The following SMTNL2 variants were observed in gnomAD, a reference collection of about 807,000 sequenced individuals.
SMTNL2 encodes the protein smoothelin like 2.
In SMTNL2, 43 loss-of-function variants were observed where a neutral mutation model predicts 44.1. The ratio of observed to expected loss-of-function variants is 0.98; its 90% CI spans 0.76 to 1.26. The LOEUF is 1.26. Ranked by LOEUF, SMTNL2 falls within the 50% of genes most tolerant of loss-of-function variation. The probability of loss-of-function intolerance (pLI) is 0.00; values close to 1 mark genes in which losing one functional copy is unlikely to be tolerated. For missense variants in SMTNL2, 646 were observed against 670.2 expected (o/e 0.96, Z 0.40); for synonymous variants, 317 against 287.6 (o/e 1.10, Z -1.03).
In SMTNL2 at chr17:4,593,111, C is replaced by G. The variant is rs1456126309; in HGVS notation, c.670C>G (p.Leu224Val). 6.2e-7 allele frequency: 1 copy of G among 1,613,704 alleles called. No homozygotes were observed. The highest frequency in any genetic ancestry group is 8.5e-7 in the Non-Finnish European group (1 of 1,179,824). Reference sequence around the variant, plus strand: ...TCTATCACCCATGTCTGCTGCCACCCTGGGGGGCCTCAACCCAAGCCCCAG... The same window carrying G: ...TCTATCACCCATGTCTGCTGCCACCGTGGGGGGCCTCAACCCAAGCCCCAG... Reference protein sequence around the residue: ...AALSPMSAATLGGLNPSPSEV... With the variant: ...AALSPMSAATVGGLNPSPSEV... Residue 224 changes from leucine to valine, a missense_variant, in exon 3 of 8, where the codon CTG becomes GTG. Transcript: ENST00000389313.
In SMTNL2 at chr17:4,593,900, G is replaced by A. The variant is rs1178355279; in HGVS notation, c.806+3G>A. The A allele has an allele frequency of 6.2e-7, 1 of 1,613,974 alleles. No individual in the cohort carries two copies. Among genetic ancestry groups the A allele is most frequent in the Non-Finnish European group, 8.5e-7 (1 of 1,179,940 alleles). On this transcript the variant is annotated splice_donor_region_variant and intron_variant, in intron 4 of 7. Coordinates refer to ENST00000389313, the MANE Select transcript of SMTNL2 (RefSeq NM_001114974.2). ...ACAGCAAGCAAACACAGCAATAGGT[G>A]AGTCAGGGCCTGTGTTCCTGTGGGG...
In SMTNL2 at chr17:4,600,720, A is replaced by C. The variant is rs1485562094; in HGVS notation, c.1259+3397A>C. 2.6e-5 allele frequency among the ~76,000 whole-genome samples: 4 copies of C among 152,136 alleles called. No individual in the cohort carries two copies. In the East Asian group the frequency reaches 7.7e-4, roughly 29 times the overall value. Reference sequence around the variant, plus strand: ...CCGGCCCCTTTTATGGAAGGGGCTGAGTCGGGCGGGCGCCTGACCCTTCTG... The same window carrying C: ...CCGGCCCCTTTTATGGAAGGGGCTGCGTCGGGCGGGCGCCTGACCCTTCTG... On this transcript the variant is annotated intron_variant, in intron 7 of 7. Transcript: ENST00000389313. This position sits in a 1 kb window ranked among gnomAD's most constrained non-coding sequence, Gnocchi z 4.7.
chr17:4,589,395 G>C (rs1223533497), intron 1 of SMTNL2, among the ~76,000 whole-genome samples: 1 of 152,162 alleles, frequency 6.6e-6, no homozygotes, highest in Non-Finnish European at 1.5e-5. Flanking sequence ...TGTGGGGGCC[G>C]GGGTTCCAGC....
At chr17:4,605,380 C>G (rs552501967) in intron 7 of SMTNL2, among the ~76,000 whole-genome samples, 92 of 151,768 alleles carry the variant, frequency 6.1e-4, no homozygotes, top group Non-Finnish European at 6.9e-4. Context: ...AGGCTGGTCT[C>G]AAACTCCCAG....
At chr17:4,596,549 G>A (rs1227739679) in intron 5 of SMTNL2, among the ~76,000 whole-genome samples, 1 of 152,232 alleles carries the variant, frequency 6.6e-6, no homozygotes, top group Non-Finnish European at 1.5e-5. Flanking sequence ...GTGAGCCAAG[G>A]TCTTCTGTCT....
chr17:4,597,395 G>A, intron 7 of SMTNL2, 72 bp downstream of exon 7: 1 of 1,576,520 alleles, frequency 6.3e-7, no homozygotes, highest in Non-Finnish European at 8.6e-7. Flanking sequence ...CCCAGGTGGG[G>A]CATGGGGGCG....
chr17:4,597,693 C>T lies in SMTNL2; in HGVS notation c.1259+370C>T, dbSNP rs73333766. On this transcript the variant is annotated intron_variant, in intron 7 of 7. Transcript: ENST00000389313. Reference sequence around the variant, plus strand: ...CCTCTCTGGACTGATGGAGAGATGCCGTTGCTTGCATGAGCCACAGCTGCC... The same window carrying T: ...CCTCTCTGGACTGATGGAGAGATGCTGTTGCTTGCATGAGCCACAGCTGCC... Among the ~76,000 whole-genome samples, 997 of 152,326 alleles carry T rather than the reference C, an allele frequency of 6.5e-3. 12 individuals carry two copies. Among genetic ancestry groups the T allele is most frequent in the African/African-American group, 0.022 (934 of 41,562 alleles).
At position 4,595,407 on chromosome 17, in the gene SMTNL2, C is replaced by T; in HGVS notation, c.989+80C>T. 3.9e-6 allele frequency: 6 copies of T among 1,538,840 alleles called. No individual in the cohort carries two copies. The highest frequency in any genetic ancestry group is 5.3e-6 in the Non-Finnish European group (6 of 1,136,922). On this transcript the variant is annotated intron_variant, in intron 5 of 7. Transcript: ENST00000389313. This position sits in a 1 kb window ranked among gnomAD's most constrained non-coding sequence, Gnocchi z 5.1. ...CGGGGCTTGGGTGGGTGCAGCAGGGCAAGGTTCAGCCCTGTCCTGTTCCCC... is the reference window on the plus strand; with the variant it reads ...CGGGGCTTGGGTGGGTGCAGCAGGGTAAGGTTCAGCCCTGTCCTGTTCCCC...
At position 4,607,457 on chromosome 17, in the gene SMTNL2, G is replaced by T. The variant is rs757040141; in HGVS notation, c.1356G>T (p.Ser452=). 6.2e-7 allele frequency: 1 copy of T among 1,614,016 alleles called. No homozygotes were observed. The change falls in exon 8 of 8, where the codon TCG becomes TCT. Residue 452 remains serine (S), a synonymous_variant. Coordinates refer to ENST00000389313, the MANE Select transcript of SMTNL2 (RefSeq NM_001114974.2). This position sits in a 1 kb window ranked among gnomAD's most constrained non-coding sequence, Gnocchi z 4.7. ...TGTGTGTCTTCACCTACGTCCAGTCGCTGTACAACCACCTGCGTCGCTTCG... is the reference window on the plus strand; with the variant it reads ...TGTGTGTCTTCACCTACGTCCAGTCTCTGTACAACCACCTGCGTCGCTTCG... ...DPMCVFTYVQ[S]LYNHLRRFE
chr17:4,597,397 A>G lies in SMTNL2; in HGVS notation c.1259+74A>G, dbSNP rs1192685990. 1.5e-5 allele frequency: 23 copies of G among 1,574,954 alleles called. No homozygotes were observed. The Admixed American group carries it at 3.9e-4, about 27-fold the overall frequency. ...GCCCAACTTCTTCCCCAGGTGGGGC[A>G]TGGGGGCGAGTGGGATGTCGGGCCG... is the stretch of plus-strand genomic sequence containing the variant. On this transcript the variant is annotated intron_variant, in intron 7 of 7. Coordinates refer to ENST00000389313, the MANE Select transcript of SMTNL2 (RefSeq NM_001114974.2).
At chr17:4,606,247 G>A (rs1486403868) in intron 7 of SMTNL2, among the ~76,000 whole-genome samples, 2 of 151,600 alleles carry the variant, frequency 1.3e-5, no homozygotes, top group African/African-American at 2.4e-5. Context: ...TCAGCCTCCC[G>A]AGTAGCTGGG....
chr17:4,604,114 G>C (rs900469549), intron 7 of SMTNL2, among the ~76,000 whole-genome samples: 7 of 152,160 alleles, frequency 4.6e-5, no homozygotes, highest in Non-Finnish European at 8.8e-5. Context: ...TAAAATGTTG[G>C]GATGACAGGC....
chr17:4,595,275 C>A lies in SMTNL2; in HGVS notation c.937C>A (p.Gln313Lys). 1.2e-6 allele frequency: 2 copies of A among 1,613,276 alleles called. No homozygotes were observed. Among genetic ancestry groups the A allele is most frequent in the Non-Finnish European group, 1.7e-6 (2 of 1,179,922 alleles). The change falls in exon 5 of 8, where the codon CAG becomes AAG. Residue 313 changes from glutamine to lysine, a missense_variant. By Grantham distance (53) the Gln-to-Lys change is moderately conservative (BLOSUM62 1). Transcript: ENST00000389313. This position sits in a 1 kb window ranked among gnomAD's most constrained non-coding sequence, Gnocchi z 5.1. The part of the protein sequence containing the change: ...SQTLPRTSEA[Q>K]ARKALFEKWE... The stretch of plus-strand genomic sequence containing the variant: ...GACGCTGCCCCGCACCTCGGAGGCG[C>A]AGGCCCGGAAAGCATTGTTTGAGAA...
intron 4 of SMTNL2, among the ~76,000 whole-genome samples, chr17:4,594,263 A>G (rs1909707936): frequency 6.6e-6 from 1 of 152,142 alleles, no homozygotes; most frequent in Non-Finnish European, 1.5e-5. Context: ...AGACTGGCCA[A>G]CATGGCAAAA....
Position 4,607,701 on chromosome 17 carries a change from G to C in SMTNL2, c.*214G>C, listed in dbSNP as rs900174805. 5 of 638,022 alleles carry C rather than the reference G, an allele frequency of 7.8e-6. No individual in the cohort carries two copies. The African/African-American group carries it at 9.3e-5, about 12-fold the overall frequency. The allele number at this position is 638,022 out of a possible 1,614,324, so 39.5% of individuals were successfully genotyped here. A position where few individuals can be genotyped will look rare whatever the true frequency, so the allele number is the denominator to read the frequency against. On this transcript the variant is annotated 3_prime_UTR_variant, in exon 8 of 8. Transcript: ENST00000389313. This position sits in a 1 kb window ranked among gnomAD's most constrained non-coding sequence, Gnocchi z 4.7. ...GTCCGACAGCACTGATCACAGCCAA[G>C]GGCTTGGAGGAAAAGGAAAAATTAT...
At chr17:4,585,138 A>T in intron 1 of SMTNL2, 134 bp downstream of exon 1, 1 of 1,096,308 alleles carries the variant, frequency 9.1e-7, no homozygotes, top group Non-Finnish European at 1.2e-6. Flanking sequence ...GGACTAGGTG[A>T]TGGGGGTCCT....
chr17:4,592,800 G>C lies in SMTNL2; in HGVS notation c.488-129G>C. 2 of 1,283,222 alleles carry C rather than the reference G, an allele frequency of 1.6e-6. No homozygotes were observed. The highest frequency in any genetic ancestry group is 2.4e-5 in the East Asian group (1 of 41,982). The allele number at this position is 1,283,222 out of a possible 1,614,324, so 79.5% of individuals were successfully genotyped here. On this transcript the variant is annotated intron_variant, in intron 2 of 7. Transcript: ENST00000389313. The surrounding 1 kb of genome is among the most constrained non-coding windows in gnomAD (Gnocchi z 4.5). ...CTGGTAGGGGAGGTCAGAGAGGCTG[G>C]AGCAGTCAGGGAGGCCTTCCTAGAG...
chr17:4,604,544 G>A (rs1041742844), intron 7 of SMTNL2, among the ~76,000 whole-genome samples: 4 of 152,332 alleles, frequency 2.6e-5, no homozygotes, highest in Non-Finnish European at 4.4e-5. Context: ...TGGGTCAGAG[G>A]AGTCTTGCTC....
intron 1 of SMTNL2, among the ~76,000 whole-genome samples, chr17:4,589,682 A>G (rs1442760080): frequency 6.6e-6 from 1 of 151,784 alleles, no homozygotes; most frequent in Non-Finnish European, 1.5e-5. Flanking sequence ...TCACCCTATG[A>G]ATGTGGTCTT....
Sources: allele counts gnomAD v4.1 joint callset (sites outside exome capture counted in the v4.1 genomes callset), GRCh38; gene constraint gnomAD v4.1.1; non-coding constraint Gnocchi (gnomAD v3.1); transcripts MANE v1.5; gene names NCBI Gene and HGNC (gene_info 2026-07-23, HGNC 2026-07-21).